Variants in PI4KA observed in about 807,000 individuals in gnomAD.
The protein encoded by PI4KA is phosphatidylinositol 4-kinase alpha.
Under a neutral mutation model 271.4 loss-of-function variants are expected in PI4KA, and 122 were observed. The observed-to-expected ratio is 0.45, with a 90% CI of 0.39 to 0.52. The LOEUF (loss-of-function observed/expected upper bound fraction) is 0.52, where lower values mean the gene tolerates loss of function less well. Among genes scored for constraint, PI4KA ranks in the 20% least tolerant of loss-of-function variants. PI4KA has a pLI of 0.00. For synonymous variants in PI4KA, 1,041 were observed against 1,078.8 expected (o/e 0.96, Z 0.69); for missense variants, 1,969 against 2,769.1 (o/e 0.71, Z 6.48).
At chr22:20,832,116 C>CTT (rs1350841437) in intron 3 of PI4KA, among the ~76,000 whole-genome samples, 66 of 132,394 alleles carry the variant, frequency 5.0e-4, no homozygotes, top group Middle Eastern at 7.6e-3. Context: ...TTTTGAAATT[C>CTT]TTTTTTTTTT....
chr22:20,786,091 G>C (rs1211916893), intron 19 of PI4KA: 1 of 1,614,158 alleles, frequency 6.2e-7, no homozygotes, highest in African/African-American at 1.3e-5. Context: ...TCAGGATGCT[G>C]TTTGACAAAA....
intron 4 of PI4KA, among the ~76,000 whole-genome samples, chr22:20,823,593 A>T (rs1922992458): frequency 6.6e-6 from 1 of 152,230 alleles, no homozygotes; most frequent in Admixed American, 6.5e-5. Context: ...CAAAATTAAC[A>T]AAATCTAAAG....
chr22:20,751,395 T>A lies in PI4KA; in HGVS notation c.3070-19A>T, dbSNP rs778922446. On this transcript the variant is annotated intron_variant, in intron 26 of 54. Coordinates refer to ENST00000255882, the MANE Select transcript of PI4KA (RefSeq NM_058004.4). ...GAATATCCTGCAAGCACAGCAAGAC[T>A]CCCTCTTCCAAACTGCCTTCCCCAA... 1.3e-4 allele frequency: 206 copies of A among 1,607,498 alleles called. No individual in the cohort carries two copies. The highest frequency in any genetic ancestry group is 1.7e-4 in the Non-Finnish European group (194 of 1,175,504).
At chr22:20,715,157 G>A (rs1488890823) in intron 45 of PI4KA, among the ~76,000 whole-genome samples, 26 of 150,060 alleles carry the variant, frequency 1.7e-4, no homozygotes, top group Non-Finnish European at 2.4e-4. Context: ...TGCAACCTCC[G>A]CCTCCCAGGT....
At chr22:20,796,419 C>T in intron 17 of PI4KA, 105 bp from the exon 18 acceptor site, 1 of 929,506 alleles carries the variant, frequency 1.1e-6, no homozygotes, top group Middle Eastern at 3.2e-4. Context: ...GCCCAGCCTG[C>T]CTTACCACAC....
intron 3 of PI4KA, among the ~76,000 whole-genome samples, chr22:20,828,358 C>T (rs1021687552): frequency 1.3e-5 from 2 of 152,066 alleles, no homozygotes; most frequent in Non-Finnish European, 2.9e-5. Context: ...CTTTCTCTTG[C>T]CTGATTGCTC....
intron 32 of PI4KA, among the ~76,000 whole-genome samples, chr22:20,735,824 C>A (rs565167192): frequency 6.6e-6 from 1 of 152,292 alleles, no homozygotes; most frequent in South Asian, 2.1e-4. Flanking sequence ...CTTTCTGTTT[C>A]CTGCAGACCG....
At chr22:20,805,449 C>T (rs1327028269) in intron 10 of PI4KA, among the ~76,000 whole-genome samples, 1 of 152,178 alleles carries the variant, frequency 6.6e-6, no homozygotes, top group Non-Finnish European at 1.5e-5. Context: ...AACCTGAATA[C>T]ATGAAACATA....
intron 4 of PI4KA, 23 bp downstream of exon 4, chr22:20,824,303 C>CA: frequency 6.7e-7 from 1 of 1,489,098 alleles, no homozygotes; most frequent in Non-Finnish European, 9.4e-7. Flanking sequence ...AAATGCATAC[C>CA]AAATCAACCA....
At chr22:20,738,143 G>T (rs1428549067) in intron 32 of PI4KA, among the ~76,000 whole-genome samples, 2 of 152,052 alleles carry the variant, frequency 1.3e-5, no homozygotes, top group African/African-American at 4.8e-5. Flanking sequence ...GTGTAGGCAG[G>T]TGTGTGCAGG....
In PI4KA at chr22:20,779,952, T is replaced by C. The variant is rs747436379; in HGVS notation, c.2328+13241A>G. 3.1e-6 allele frequency: 5 copies of C among 1,614,186 alleles called. No individual in the cohort carries two copies. The Admixed American group carries it at 8.3e-5, about 27-fold the overall frequency. ...GACTCATCGCCTCTTCAGGAGGAAT[T>C]TTGGGTACACACTGCGGTCAGTCAA... On this transcript the variant is annotated intron_variant, in intron 19 of 54. Coordinates refer to ENST00000255882, the MANE Select transcript of PI4KA (RefSeq NM_058004.4).
chr22:20,851,500 G>T (rs1926976437), intron 1 of PI4KA, among the ~76,000 whole-genome samples: 1 of 152,042 alleles, frequency 6.6e-6, no homozygotes, highest in Admixed American at 6.6e-5. Context: ...ACCACGCCCT[G>T]CTAATTTTTG....
chr22:20,801,838 A>G (rs1377075221), intron 14 of PI4KA, 135 bp downstream of exon 14: 2 of 929,684 alleles, frequency 2.2e-6, no homozygotes, highest in Non-Finnish European at 3.2e-6. Flanking sequence ...GTGAGCCGAG[A>G]TTGTGCCACT....
chr22:20,712,954 C>T (rs573318796), intron 48 of PI4KA, 157 bp from the exon 49 acceptor site: 2 of 721,100 alleles, frequency 2.8e-6, no homozygotes, highest in East Asian at 2.7e-5. Context: ...TTTCTGACCA[C>T]CGGGGGCTGG....
At chr22:20,761,145 G>A (rs1931925420) in intron 23 of PI4KA, among the ~76,000 whole-genome samples, 159 bp downstream of exon 23, 1 of 152,144 alleles carries the variant, frequency 6.6e-6, no homozygotes, top group African/African-American at 2.4e-5. Context: ...AACCATTAAG[G>A]CGTATATTTG....
chr22:20,765,564 GGAGA>G lies in PI4KA; in HGVS notation c.2437+17_2437+20del. On this transcript the variant is annotated intron_variant, in intron 20 of 54. Coordinates refer to ENST00000255882, the MANE Select transcript of PI4KA (RefSeq NM_058004.4). ...TTCACTCTGCACTCCGTCTTCACTGGGAGAGAGATGATCCCCCTACCTGAGCCCT... is the reference window on the plus strand; with the variant it reads ...TTCACTCTGCACTCCGTCTTCACTGGGAGATGATCCCCCTACCTGAGCCCT... 2.0e-6 allele frequency: 3 copies of G among 1,487,198 alleles called. No homozygotes were observed. The highest frequency in any genetic ancestry group is 2.8e-6 in the Non-Finnish European group (3 of 1,065,654). The allele number at this position is 1,487,198 out of a possible 1,614,324, so 92.1% of individuals were successfully genotyped here.
intron 40 of PI4KA, 35 bp from the exon 41 acceptor site, chr22:20,727,432 C>A: frequency 6.4e-7 from 1 of 1,563,350 alleles, no homozygotes; most frequent in Non-Finnish European, 8.7e-7. Context: ...GTGGCTTGGG[C>A]AGTCCCGGGA....
chr22:20,745,233 T>C (rs1468986493), intron 29 of PI4KA, among the ~76,000 whole-genome samples: 1 of 152,142 alleles, frequency 6.6e-6, no homozygotes, highest in Non-Finnish European at 1.5e-5. Flanking sequence ...ATTTGAAAAC[T>C]ACCGCCCACC....
At chr22:20,811,101 C>T (rs1467950104) in intron 8 of PI4KA, 69 bp from the exon 9 acceptor site, 14 of 1,175,144 alleles carry the variant, frequency 1.2e-5, no homozygotes, top group East Asian at 9.3e-5. Flanking sequence ...CTCCTTCTAC[C>T]GAAAACCCAT....
Sources: gnomAD v4.1 joint callset for allele counts (sites outside exome capture counted in the v4.1 genomes callset) on GRCh38, gnomAD v4.1.1 for gene constraint, MANE v1.5 for transcripts, NCBI Gene and HGNC (gene_info 2026-07-23, HGNC 2026-07-21) for gene names.